Variants in LRRIQ1 observed in about 807,000 individuals in gnomAD.
LRRIQ1 encodes the protein leucine-rich repeat- and IQ domain-containing protein 1.
In LRRIQ1, 210 loss-of-function variants were observed where a neutral mutation model predicts 211.9. The observed-to-expected ratio is 0.99, with a 90% confidence interval of 0.89 to 1.11. The LOEUF (loss-of-function observed/expected upper bound fraction) is 1.11. Ranked by LOEUF, LRRIQ1 falls within the 50% of genes most tolerant of loss-of-function variation. The probability of loss-of-function intolerance (pLI) is 0.00; values close to 1 mark genes in which losing one functional copy is unlikely to be tolerated. For synonymous variants in LRRIQ1, 699 were observed against 650.1 expected, an observed-to-expected ratio of 1.08 and a Z score of -1.14; for missense variants, 2,136 against 1,939.5, an observed-to-expected ratio of 1.10 and a Z score of -1.90.
At chr12:85,080,418 A>G (rs1254817172) in intron 11 of LRRIQ1, among the ~76,000 whole-genome samples, 1 of 151,566 alleles carries the variant, frequency 6.6e-6, no homozygotes, top group Non-Finnish European at 1.5e-5. Context: ...TTAATGTAAT[A>G]TAGAGGGCAT....
intron 15 of LRRIQ1, 52 bp from the exon 16 acceptor site, chr12:85,121,645 A>C (rs1887993141): frequency 1.5e-6 from 2 of 1,352,730 alleles, no homozygotes; most frequent in Admixed American, 4.9e-5. Flanking sequence ...ATTTAGATAC[A>C]TACTCTCCTT....
intron 24 of LRRIQ1, among the ~76,000 whole-genome samples, chr12:85,190,063 C>G (rs2136931979): frequency 1.4e-5 from 2 of 138,408 alleles, no homozygotes; most frequent in South Asian, 4.6e-4. Flanking sequence ...TTATATAACC[C>G]CTATACATAA....
intron 8 of LRRIQ1, among the ~76,000 whole-genome samples, 157 bp downstream of exon 8, chr12:85,057,341 A>C (rs1015969611): frequency 2.6e-5 from 4 of 152,024 alleles, no homozygotes; most frequent in African/African-American, 9.7e-5. Flanking sequence ...GGGAGGGGAT[A>C]TATCTCAACA....
At chr12:85,091,336 A>G (rs769100785) in intron 11 of LRRIQ1, among the ~76,000 whole-genome samples, 14 of 151,982 alleles carry the variant, frequency 9.2e-5, no homozygotes, top group Non-Finnish European at 1.8e-4. Context: ...CGCGTGTTTT[A>G]ATGTGGTTGT....
At chr12:85,166,245 G>C (rs574008126) in intron 24 of LRRIQ1, among the ~76,000 whole-genome samples, 1 of 152,080 alleles carries the variant, frequency 6.6e-6, no homozygotes, top group East Asian at 1.9e-4. Context: ...TTAGTCTGGC[G>C]CAACAACTTT....
chr12:85,259,680 A>G (rs912643313), intron 1 of LRRIQ1, among the ~76,000 whole-genome samples: 1 of 152,164 alleles, frequency 6.6e-6, no homozygotes, highest in Non-Finnish European at 1.5e-5. Flanking sequence ...GTGTTTGTTA[A>G]AGACTCATTT....
Position 85,232,690 on chromosome 12 carries a change from A to T in LRRIQ1, c.4956-6A>T. ...TAAAATACTTTCTGTTTTTGTCACT[A>T]TGCAGCAATCACTTTTTGCCTGAGT... On this transcript the variant is annotated splice_region_variant and splice_polypyrimidine_tract_variant and intron_variant, in intron 25 of 26. Coordinates refer to ENST00000393217, the MANE Select transcript of LRRIQ1 (RefSeq NM_001079910.2). 6.2e-7 allele frequency: 1 copy of T among 1,609,078 alleles called. No homozygotes were observed. Among genetic ancestry groups the T allele is most frequent in the Admixed American group, 1.7e-5 (1 of 59,702 alleles).
Position 85,098,917 on chromosome 12 carries a change from T to A in LRRIQ1, c.3132T>A (p.Asp1044Glu). ...LVLLRELHLD[D>E]NSISTVEAFS... Reference sequence around the variant, plus strand: ...TACTAAGAGAATTGCACTTGGATGATAACAGCATTTCAACTGTGGAAGCAT... The same window carrying A: ...TACTAAGAGAATTGCACTTGGATGAAAACAGCATTTCAACTGTGGAAGCAT... Residue 1044 changes from aspartate to glutamate, a missense_variant, in exon 13 of 27, where the codon GAT becomes GAA. Coordinates refer to ENST00000393217, the MANE Select transcript of LRRIQ1 (RefSeq NM_001079910.2). The A allele has an allele frequency of 1.3e-6, 2 of 1,574,174 alleles. 1 individual carries two copies. The highest frequency in any genetic ancestry group is 2.3e-5 in the South Asian group (2 of 85,558).
At chr12:85,241,958 C>T (rs770985503) in intron 26 of LRRIQ1, among the ~76,000 whole-genome samples, 16 of 151,962 alleles carry the variant, frequency 1.1e-4, no homozygotes, top group Non-Finnish European at 2.4e-4. Flanking sequence ...TTGGAAAGTC[C>T]TGTCCCAAAA....
intron 11 of LRRIQ1, among the ~76,000 whole-genome samples, chr12:85,088,082 T>G (rs1885010628): frequency 6.6e-6 from 1 of 152,222 alleles, no homozygotes; most frequent in Admixed American, 6.5e-5. Flanking sequence ...GTTTTAGGTC[T>G]AACATGTAAG....
intron 11 of LRRIQ1, among the ~76,000 whole-genome samples, chr12:85,073,441 C>A: frequency 6.6e-6 from 1 of 151,786 alleles, no homozygotes; most frequent in Non-Finnish European, 1.5e-5. Flanking sequence ...GGAGTGAAGG[C>A]AAGTGCATTG....
At chr12:85,199,956 CT>C (rs1893210221) in intron 24 of LRRIQ1, among the ~76,000 whole-genome samples, 1 of 152,124 alleles carries the variant, frequency 6.6e-6, no homozygotes, top group African/African-American at 2.4e-5. Flanking sequence ...TGTTCAGGCT[CT>C]TTTTGGTATC....
chr12:85,196,346 C>CA (rs1464929292), intron 24 of LRRIQ1, among the ~76,000 whole-genome samples: 1 of 152,012 alleles, frequency 6.6e-6, no homozygotes, highest in African/African-American at 2.4e-5. Context: ...GATATGGAAT[C>CA]AAAAAAGAGC....
Position 85,102,951 on chromosome 12 carries a change from AAAAAAAAAAT to A in LRRIQ1, c.3210-1051_3210-1042del, listed in dbSNP as rs1372411600. Reference sequence around the variant, plus strand: ...AGGCTTTTCTAATTGTGGCAAAAAAAAAAAAAAAATATATATATATATATATATATATATA... The same window carrying A: ...AGGCTTTTCTAATTGTGGCAAAAAAAATATATATATATATATATATATATA... On this transcript the variant is annotated intron_variant, in intron 13 of 26. Coordinates refer to ENST00000393217, the MANE Select transcript of LRRIQ1 (RefSeq NM_001079910.2). 1.3e-4 allele frequency among the ~76,000 whole-genome samples: 15 copies of A among 116,796 alleles called. 1 individual carries two copies. The highest frequency in any genetic ancestry group is 5.3e-4 in the Admixed American group (6 of 11,218). 76.6% of individuals were successfully genotyped at this position (116,796 alleles called of 152,430 possible).
At chr12:85,189,861 A>G (rs1192185824) in intron 24 of LRRIQ1, among the ~76,000 whole-genome samples, 17 of 144,900 alleles carry the variant, frequency 1.2e-4, no homozygotes, top group African/African-American at 3.5e-4. Context: ...ATTATAATTT[A>G]TATATTTATA....
At chr12:85,168,953 C>A (rs1256244720) in intron 24 of LRRIQ1, among the ~76,000 whole-genome samples, 1 of 152,094 alleles carries the variant, frequency 6.6e-6, no homozygotes, top group African/African-American at 2.4e-5. Context: ...AACATATCAT[C>A]AATAGGGTAA....
chr12:85,122,094 T>C (rs1309562797), intron 16 of LRRIQ1, among the ~76,000 whole-genome samples: 10 of 152,120 alleles, frequency 6.6e-5, no homozygotes, highest in Non-Finnish European at 1.0e-4. Context: ...AATGCTACAA[T>C]ATTAGATAAA....
At chr12:85,124,715 T>C (rs533789494) in intron 17 of LRRIQ1, 196 bp downstream of exon 17, 11 of 508,770 alleles carry the variant, frequency 2.2e-5, no homozygotes, top group Middle Eastern at 5.3e-4. Context: ...GCATATTAAT[T>C]TGATTAAATT....
Position 85,124,175 on chromosome 12 carries a change from T to G in LRRIQ1, c.3663T>G (p.Thr1221=). Reference sequence around the variant, plus strand: ...ATGCACACGAACGAGGGGATGTAACTATCACCAAGAAAGATGAATCAGAAG... The same window carrying G: ...ATGCACACGAACGAGGGGATGTAACGATCACCAAGAAAGATGAATCAGAAG... The part of the protein sequence containing the change: ...YRHAHERGDV[T]ITKKDESEAQ... Residue 1221 remains threonine, a synonymous_variant, in exon 17 of 27, where the codon ACT becomes ACG. Coordinates refer to ENST00000393217, the MANE Select transcript of LRRIQ1 (RefSeq NM_001079910.2). The G allele has an allele frequency of 6.2e-7, 1 of 1,614,126 alleles. No homozygotes were observed. Among genetic ancestry groups the G allele is most frequent in the Non-Finnish European group, 8.5e-7 (1 of 1,180,026 alleles).
Sources: gnomAD v4.1 joint callset for allele counts (sites outside exome capture counted in the v4.1 genomes callset) on GRCh38, gnomAD v4.1.1 for gene constraint, MANE v1.5 for transcripts, NCBI Gene and HGNC (gene_info 2026-07-23, HGNC 2026-07-21) for gene names.